The following CCZ1 variants were observed in gnomAD, a reference collection of about 807,000 sequenced individuals.
The protein encoded by CCZ1 is vacuolar fusion protein CCZ1 homolog.
CCZ1 carries 19 observed loss-of-function variants against 57.8 expected under a neutral mutation model. The observed-to-expected ratio is 0.33, with a 90% CI of 0.23 to 0.48. The LOEUF (loss-of-function observed/expected upper bound fraction) is 0.48. Among genes scored for constraint, CCZ1 ranks in the 20% least tolerant of loss-of-function variants. CCZ1 has a pLI of 0.99. For synonymous variants in CCZ1, 81 were observed against 167.0 expected (o/e 0.49, Z 3.97); for missense variants, 200 against 492.0 (o/e 0.41, Z 5.61).
At chr7:5,910,769 C>G (rs1228626767) in intron 8 of CCZ1, among the ~76,000 whole-genome samples, 1 of 142,244 alleles carries the variant, frequency 7.0e-6, no homozygotes, top group African/African-American at 2.6e-5. Flanking sequence ...GAGTTTTGTT[C>G]TTTTCGCCCA....
At chr7:5,901,567 T>A in intron 4 of CCZ1, 90 bp from the exon 5 acceptor site, 1 of 1,508,802 alleles carries the variant, frequency 6.6e-7, no homozygotes, top group Non-Finnish European at 8.9e-7. Flanking sequence ...TTATACTGTT[T>A]GGCCAAGAGT....
intron 11 of CCZ1, chr7:5,919,131 C>T (rs964548732): frequency 6.6e-6 from 3 of 457,304 alleles, no homozygotes; most frequent in Non-Finnish European, 1.2e-5. Context: ...ACTGCCAGTA[C>T]ACACCGCCGG....
At chr7:5,905,948 G>T (rs1371098048) in intron 7 of CCZ1, among the ~76,000 whole-genome samples, 2 of 104,072 alleles carry the variant, frequency 1.9e-5, no homozygotes, top group Non-Finnish European at 3.6e-5. Context: ...TTACTGTGTT[G>T]CCCAGGCTGG....
rs1287861256 is a variant in CCZ1, at chr7:5,908,314, G to GA, written c.699-1712dup. ...GAGGCTCTGTCTCTACCAAAAAGTG[G>GA]AAAAAAAAACTTGTCACAAGCAGAG... On this transcript the variant is annotated intron_variant, in intron 7 of 14. Transcript: ENST00000325974. Among the ~76,000 whole-genome samples the GA allele has an allele frequency of 1.5e-3, 178 of 117,014 alleles. 17 individuals carry two copies. Among genetic ancestry groups the GA allele is most frequent in the African/African-American group, 5.0e-3 (155 of 30,882 alleles). 76.8% of individuals were successfully genotyped at this position (117,014 alleles called of 152,430 possible).
chr7:5,901,191 T>G (rs1781678969), intron 4 of CCZ1: 2 of 318,872 alleles, frequency 6.3e-6, no homozygotes, highest in Non-Finnish European at 1.0e-5. Context: ...AAATTAGAGT[T>G]TAAACACTTC....
intron 7 of CCZ1, among the ~76,000 whole-genome samples, chr7:5,905,779 T>TTTTTTTTTTTTTTTTTTTTTGGGGA (rs1781798064): frequency 1.1e-4 from 2 of 18,150 alleles, no homozygotes; most frequent in Non-Finnish European, 9.8e-5. Context: ...AGACTCTGTC[T>TTTTTTTTTTTTTTTTTTTTTGGGGA]CCAAAAAAAA....
intron 7 of CCZ1, among the ~76,000 whole-genome samples, chr7:5,909,638 G>A (rs1781920388): frequency 6.8e-6 from 1 of 147,900 alleles, no homozygotes; most frequent in African/African-American, 2.5e-5. Context: ...GGCCAAGGCT[G>A]CAGTGAGCCA....
At position 5,898,963 on chromosome 7, in the gene CCZ1, C is replaced by T. The variant is rs1290324820; in HGVS notation, c.120+44C>T. ...GCGCGGGCGGGCGGCGCCGGTGTTCCCCGGGAAGGTGGCCCTGTGGTTCTG... is the reference window on the plus strand; with the variant it reads ...GCGCGGGCGGGCGGCGCCGGTGTTCTCCGGGAAGGTGGCCCTGTGGTTCTG... On this transcript the variant is annotated intron_variant, in intron 1 of 14. Coordinates refer to ENST00000325974, the MANE Select transcript of CCZ1 (RefSeq NM_015622.6). 4.3e-4 allele frequency: 159 copies of T among 370,134 alleles called. 1 individual carries two copies. In the African/African-American group the frequency reaches 5.2e-3, roughly 12 times the overall value. 22.9% of individuals were successfully genotyped at this position (370,134 alleles called of 1,614,324 possible).
At chr7:5,903,452 T>G (rs1583181700) in intron 6 of CCZ1, among the ~76,000 whole-genome samples, 1 of 142,270 alleles carries the variant, frequency 7.0e-6, no homozygotes, top group Non-Finnish European at 1.5e-5. Flanking sequence ...CTCAATTTAT[T>G]TTCTTCTGAA....
intron 11 of CCZ1, chr7:5,919,362 CCT>C (rs1336731249): frequency 1.3e-5 from 2 of 157,594 alleles, no homozygotes; most frequent in East Asian, 1.8e-4. Context: ...CTGGGACCCC[CCT>C]GTCTCCTTAA....
chr7:5,899,795 C>G (rs904010421), intron 1 of CCZ1, among the ~76,000 whole-genome samples: 1 of 151,912 alleles, frequency 6.6e-6, no homozygotes, highest in Non-Finnish European at 1.5e-5. Flanking sequence ...CTTGTCAGTT[C>G]AAATGGCTGG....
chr7:5,910,618 C>A lies in CCZ1; in HGVS notation c.780+502C>A, dbSNP rs1370002422. Among the ~76,000 whole-genome samples, 4 of 143,296 alleles carry A rather than the reference C, an allele frequency of 2.8e-5. 1 individual carries two copies. The highest frequency in any genetic ancestry group is 4.7e-4 in the East Asian group (2 of 4,266). The allele number at this position is 143,296 out of a possible 152,430, so 94.0% of individuals were successfully genotyped here. A position where few individuals can be genotyped will look rare whatever the true frequency, so the allele number is the denominator to read the frequency against. On this transcript the variant is annotated intron_variant, in intron 8 of 14. Coordinates refer to ENST00000325974, the MANE Select transcript of CCZ1 (RefSeq NM_015622.6). ...TGGGATTACAGGCGTGAGCCACCGCCCCCAGTCCACAAGCATGTTTTTAAG... is the reference window on the plus strand; with the variant it reads ...TGGGATTACAGGCGTGAGCCACCGCACCCAGTCCACAAGCATGTTTTTAAG...
chr7:5,921,037 C>A (rs1292321544), intron 12 of CCZ1, among the ~76,000 whole-genome samples: 1 of 96,490 alleles, frequency 1.0e-5, no homozygotes, highest in Admixed American at 9.7e-5. Context: ...CTGCAACCTC[C>A]GCCTCCCAGG....
chr7:5,899,232 GT>G (rs1359188234), intron 1 of CCZ1, among the ~76,000 whole-genome samples: 2 of 109,366 alleles, frequency 1.8e-5, no homozygotes, highest in Admixed American at 9.3e-5. Flanking sequence ...AACTAGAAGC[GT>G]GGAACCAGGG....
At position 5,899,581 on chromosome 7, in the gene CCZ1, G is replaced by A. The variant is rs375864096; in HGVS notation, c.120+662G>A. On this transcript the variant is annotated intron_variant, in intron 1 of 14. Transcript: ENST00000325974. ...CAGACCAGCCTGGGCAACATAGCAA[G>A]ACCCCCAACTCTACAAAAAAAAAAA... 4.4e-5 allele frequency among the ~76,000 whole-genome samples: 4 copies of A among 91,288 alleles called. No individual in the cohort carries two copies. In the East Asian group the frequency reaches 1.7e-3, roughly 40 times the overall value. The allele number at this position is 91,288 out of a possible 152,430, so 59.9% of individuals were successfully genotyped here.
At chr7:5,912,146 CAG>C (rs201611415) in intron 9 of CCZ1, among the ~76,000 whole-genome samples, 19,337 of 147,210 alleles carry the variant, frequency 0.13, 1,519 homozygotes, top group Admixed American at 0.27. Flanking sequence ...TTAGTAGAAA[CAG>C]GGTTTCATCA....
At chr7:5,901,811 T>C in intron 5 of CCZ1, 107 bp downstream of exon 5, 1 of 1,425,924 alleles carries the variant, frequency 7.0e-7, no homozygotes, top group Middle Eastern at 2.0e-4. Flanking sequence ...AGTGACTCTG[T>C]ATTTGTCTTA....
At position 5,902,781 on chromosome 7, in the gene CCZ1, C is replaced by T. The variant is rs370434352; in HGVS notation, c.522+37C>T. 182 of 1,580,630 alleles carry T rather than the reference C, an allele frequency of 1.2e-4. 4 individuals carry two copies. In the African/African-American group the frequency reaches 2.4e-3, roughly 21 times the overall value. ...GAATTTCATTTATAACTTTAGTAAG[C>T]ATTCAGCAGGTTTTTAGAGAAATAT... On this transcript the variant is annotated intron_variant, in intron 6 of 14. Transcript: ENST00000325974.
Position 5,920,939 on chromosome 7 carries a change from G to A in CCZ1, c.1106+973G>A, listed in dbSNP as rs533052338. ...ACGCTCATGGTCTTAATGTTCATAC[G>A]TTGTTTTTTGGGTTTTTTTTTTTTT... On this transcript the variant is annotated intron_variant, in intron 12 of 14. Transcript: ENST00000325974. 2.0e-4 allele frequency among the ~76,000 whole-genome samples: 22 copies of A among 109,062 alleles called. 1 individual carries two copies. The highest frequency in any genetic ancestry group is 1.6e-3 in the South Asian group (6 of 3,832). 71.5% of individuals were successfully genotyped at this position (109,062 alleles called of 152,430 possible).
Sources: allele counts gnomAD v4.1 joint callset (sites outside exome capture counted in the v4.1 genomes callset), GRCh38; gene constraint gnomAD v4.1.1; transcripts MANE v1.5; gene names NCBI Gene and HGNC (gene_info 2026-07-23, HGNC 2026-07-21).